ATP2C1: variants seen among roughly 807,000 people sequenced by gnomAD.
ATP2C1 encodes calcium-transporting ATPase type 2C member 1.
A neutral mutation model predicts 120.5 loss-of-function variants in ATP2C1; 31 were observed. That is an observed-to-expected ratio of 0.26 (90% CI 0.19 to 0.35). ATP2C1 has a LOEUF of 0.35. Ranked by LOEUF, ATP2C1 falls within the 10% of genes least tolerant of loss-of-function variation. The pLI is 1.00. For synonymous variants in ATP2C1, 351 were observed against 358.7 expected, an observed-to-expected ratio of 0.98 and a Z score of 0.24; for missense variants, 731 against 1,107.5, an observed-to-expected ratio of 0.66 and a Z score of 4.83.
intron 2 of ATP2C1, among the ~76,000 whole-genome samples, chr3:130,919,552 A>G (rs954693465): frequency 2.0e-5 from 3 of 152,102 alleles, no homozygotes; most frequent in Admixed American, 1.3e-4. Flanking sequence ...ATAGTATTCC[A>G]TTGTACATAT....
chr3:130,880,089 T>C (rs1223515243), intron 1 of ATP2C1, among the ~76,000 whole-genome samples: 1 of 152,164 alleles, frequency 6.6e-6, no homozygotes, highest in East Asian at 1.9e-4. Flanking sequence ...TGTTTGAGGA[T>C]TACTTATGAC....
upstream of ATP2C1, among the ~76,000 whole-genome samples, chr3:130,891,017 C>A (rs1389896881): frequency 1.3e-5 from 2 of 152,140 alleles, no homozygotes; most frequent in African/African-American, 4.8e-5. Flanking sequence ...TTCAAGACTG[C>A]AGTGTGCTAT....
intron 8 of ATP2C1, among the ~76,000 whole-genome samples, chr3:130,945,122 AG>A (rs2060088670): frequency 6.6e-6 from 1 of 152,124 alleles, no homozygotes; most frequent in African/African-American, 2.4e-5. Flanking sequence ...TTCCAGCAGG[AG>A]CCTGAGAGGC....
At position 130,945,594 on chromosome 3, in the gene ATP2C1, G is replaced by T. The variant is rs746005586; in HGVS notation, c.531+3895G>T. The stretch of plus-strand genomic sequence containing the variant: ...AGTGTTCTCATTGTTCAATTCCCAC[G>T]TATGAGTGAGAACATGTGGTGTTTG... On this transcript the variant is annotated intron_variant, in intron 8 of 27. Coordinates refer to ENST00000510168, the MANE Select transcript of ATP2C1 (RefSeq NM_001378687.1). Among the ~76,000 whole-genome samples, 3 of 141,598 alleles carry T rather than the reference G, an allele frequency of 2.1e-5. No individual in the cohort carries two copies. The East Asian group carries it at 6.3e-4, about 30-fold the overall frequency. The allele number at this position is 141,598 out of a possible 152,430, so 92.9% of individuals were successfully genotyped here. A position where few individuals can be genotyped will look rare whatever the true frequency, so the allele number is the denominator to read the frequency against.
chr3:130,965,522 G>A (rs913271414), intron 14 of ATP2C1, among the ~76,000 whole-genome samples: 1 of 152,028 alleles, frequency 6.6e-6, no homozygotes, highest in East Asian at 1.9e-4. Context: ...TTGTGATCAG[G>A]ATCCTGAACT....
exon 27 of ATP2C1, chr3:131,016,232 T>C: frequency 6.2e-7 from 1 of 1,614,184 alleles, no homozygotes; most frequent in Non-Finnish European, 8.5e-7. Context: ...TGACAGAAGA[T>C]GTGAGCTGTG....
intron 20 of ATP2C1, among the ~76,000 whole-genome samples, chr3:130,988,197 G>C (rs965437887): frequency 5.9e-5 from 9 of 151,824 alleles, no homozygotes; most frequent in Admixed American, 4.6e-4. Flanking sequence ...GAGGATCTTC[G>C]GTAGGTTATT....
At chr3:130,867,366 G>C (rs1373069778) in intron 1 of ATP2C1, among the ~76,000 whole-genome samples, 1 of 148,582 alleles carries the variant, frequency 6.7e-6, no homozygotes, top group African/African-American at 2.5e-5. Flanking sequence ...CCGAGCCAAA[G>C]CTGGATGGTA....
chr3:130,852,903 T>C (rs1326583284), intron 1 of ATP2C1, among the ~76,000 whole-genome samples: 1 of 152,238 alleles, frequency 6.6e-6, no homozygotes, highest in Non-Finnish European at 1.5e-5. Context: ...TTCTATCTCA[T>C]GGCTTTAAAT....
At chr3:130,889,157 T>G (rs1440297485), upstream of ATP2C1, among the ~76,000 whole-genome samples, 1 of 152,180 alleles carries the variant, frequency 6.6e-6, no homozygotes, top group East Asian at 1.9e-4. Flanking sequence ...TCACTCACAC[T>G]GGGACAATTT....
chr3:130,882,372 T>C (rs2068812636), intron 1 of ATP2C1, among the ~76,000 whole-genome samples: 1 of 152,106 alleles, frequency 6.6e-6, no homozygotes. Flanking sequence ...GCTAATTTTT[T>C]ATATTTTTAG....
intron 6 of ATP2C1, 112 bp downstream of exon 6, chr3:130,937,575 C>T (rs2059726425): frequency 3.0e-5 from 26 of 875,190 alleles, no homozygotes; most frequent in Non-Finnish European, 4.6e-5. Flanking sequence ...ATCAGAACAA[C>T]TTATTCTTTG....
intron 1 of ATP2C1, among the ~76,000 whole-genome samples, chr3:130,887,082 G>A (rs893584929): frequency 6.6e-6 from 1 of 152,224 alleles, no homozygotes; most frequent in African/African-American, 2.4e-5. Flanking sequence ...TTGTAGACTT[G>A]TAGAGGTACT....
intron 21 of ATP2C1, 145 bp downstream of exon 21, chr3:130,993,146 A>G (rs2108887947): frequency 1.5e-6 from 1 of 655,664 alleles, no homozygotes; most frequent in East Asian, 2.8e-5. Flanking sequence ...TAAGAGCTTG[A>G]CATAGAAACA....
intron 26 of ATP2C1, chr3:131,014,185 TA>T: frequency 6.2e-7 from 1 of 1,613,970 alleles, no homozygotes; most frequent in Non-Finnish European, 8.5e-7. Flanking sequence ...GAACAGCTGG[TA>T]TTCTGTTTCT....
chr3:130,949,559 G>C (rs1403480952), intron 8 of ATP2C1, among the ~76,000 whole-genome samples: 1 of 152,144 alleles, frequency 6.6e-6, no homozygotes, highest in African/African-American at 2.4e-5. Context: ...TTATTCAGAA[G>C]ATGTAGCTAA....
At chr3:130,893,971 C>T (rs1393530513), upstream of ATP2C1, 1 of 985,676 alleles carries the variant, frequency 1.0e-6, no homozygotes, top group Non-Finnish European at 1.2e-6. Context: ...GCGCACCTCT[C>T]TCAGCGGAAG....
chr3:130,869,325 G>T (rs2068338474), intron 1 of ATP2C1: 1 of 166,284 alleles, frequency 6.0e-6, no homozygotes, highest in Admixed American at 6.7e-5. Context: ...GAAAATCAGA[G>T]ACCTTTGTTC....
intron 17 of ATP2C1, among the ~76,000 whole-genome samples, chr3:130,970,369 T>TACACACACACACACACACAC (rs201337484): frequency 3.2e-4 from 42 of 130,730 alleles, no homozygotes; most frequent in African/African-American, 9.6e-4. Context: ...AAAAAAAAAT[T>TACACACACACACACACACAC]ACACACACAC....
Sources: allele counts gnomAD v4.1 joint callset (sites outside exome capture counted in the v4.1 genomes callset), GRCh38; gene constraint gnomAD v4.1.1; transcripts MANE v1.5; gene names NCBI Gene and HGNC (gene_info 2026-07-23, HGNC 2026-07-21).